Variants in BABAM2 observed in about 807,000 individuals in gnomAD.
The protein encoded by BABAM2 is BRISC and BRCA1-A complex member 2.
A neutral mutation model predicts 54.7 loss-of-function variants in BABAM2; 31 were observed. That is an observed-to-expected ratio of 0.57 (90% CI 0.43 to 0.77). BABAM2 has a LOEUF of 0.77. BABAM2 is among the 30% of genes least tolerant of loss of function. The pLI is 0.00. For missense variants in BABAM2, 364 were observed against 455.8 expected (o/e 0.80, Z 1.83); for synonymous variants, 167 against 162.9 (o/e 1.03, Z -0.19).
intron 7 of BABAM2, among the ~76,000 whole-genome samples, chr2:28,201,813 A>G (rs192995784): frequency 2.0e-5 from 3 of 152,296 alleles, no homozygotes; most frequent in Admixed American, 1.3e-4. Flanking sequence ...ATCAGCAGGA[A>G]CAGGTTGCAA....
chr2:27,923,692 T>C (rs1197941177), intron 2 of BABAM2, among the ~76,000 whole-genome samples: 1 of 151,736 alleles, frequency 6.6e-6, no homozygotes, highest in Non-Finnish European at 1.5e-5. Flanking sequence ...AGAAAGCAGA[T>C]GGGTGCAGTG....
At chr2:27,889,646 T>C (rs1214335296), upstream of BABAM2, among the ~76,000 whole-genome samples, 3 of 152,254 alleles carry the variant, frequency 2.0e-5, no homozygotes, top group African/African-American at 7.2e-5. Flanking sequence ...AGGTTGTAAA[T>C]ACTGTGTTTA....
chr2:28,246,244 A>G (rs1392139588), intron 10 of BABAM2, among the ~76,000 whole-genome samples: 1 of 152,150 alleles, frequency 6.6e-6, no homozygotes, highest in African/African-American at 2.4e-5. Flanking sequence ...TCTGAGCCTA[A>G]CACTGGTACT....
At chr2:27,963,681 A>C (rs1670641286) in intron 3 of BABAM2, among the ~76,000 whole-genome samples, 1 of 152,140 alleles carries the variant, frequency 6.6e-6, no homozygotes, top group East Asian at 1.9e-4. Context: ...AAAATTTAAC[A>C]ATTTCCCTCT....
chr2:28,128,411 A>G (rs1471816396), intron 6 of BABAM2, among the ~76,000 whole-genome samples: 2 of 152,256 alleles, frequency 1.3e-5, no homozygotes, highest in African/African-American at 4.8e-5. Flanking sequence ...TCAGTATTTT[A>G]TTCAGAAGTC....
At chr2:27,963,898 T>C (rs1670659359) in intron 3 of BABAM2, among the ~76,000 whole-genome samples, 1 of 152,234 alleles carries the variant, frequency 6.6e-6, no homozygotes, top group Admixed American at 6.5e-5. Context: ...TACTGTGACA[T>C]ATGACAAAAT....
At chr2:28,092,852 A>G (rs1281293356) in intron 6 of BABAM2, among the ~76,000 whole-genome samples, 2 of 151,614 alleles carry the variant, frequency 1.3e-5, no homozygotes, top group African/African-American at 4.8e-5. Context: ...TTACAGGGTC[A>G]AGATCATAGG....
intron 7 of BABAM2, among the ~76,000 whole-genome samples, chr2:28,140,200 C>G (rs1670920639): frequency 6.6e-6 from 1 of 152,098 alleles, no homozygotes; most frequent in Non-Finnish European, 1.5e-5. Flanking sequence ...TTCCTCCTAT[C>G]CTGTTGTTTC....
chr2:28,218,236 A>G (rs1680088931), intron 7 of BABAM2, among the ~76,000 whole-genome samples: 2 of 152,230 alleles, frequency 1.3e-5, no homozygotes, highest in South Asian at 2.1e-4. Flanking sequence ...ATTCTCTTAT[A>G]TAACCACAGT....
intron 6 of BABAM2, among the ~76,000 whole-genome samples, chr2:28,051,146 T>C (rs1196655670): frequency 1.3e-5 from 2 of 152,170 alleles, no homozygotes; most frequent in Non-Finnish European, 2.9e-5. Context: ...TCAAAATGAG[T>C]AGTACTTACT....
chr2:28,115,660 A>AT (rs1183548224), intron 6 of BABAM2, among the ~76,000 whole-genome samples: 1 of 151,810 alleles, frequency 6.6e-6, no homozygotes, highest in East Asian at 1.9e-4. Context: ...AAATAGATAA[A>AT]TAAAAAAAAG....
At chr2:28,229,533 C>T (rs1275179258) in intron 7 of BABAM2, among the ~76,000 whole-genome samples, 1 of 151,270 alleles carries the variant, frequency 6.6e-6, no homozygotes, top group Non-Finnish European at 1.5e-5. Flanking sequence ...TATACTGTGC[C>T]TCATCAGAGA....
chr2:28,180,461 C>T (rs1213860770), intron 7 of BABAM2, among the ~76,000 whole-genome samples: 1 of 152,034 alleles, frequency 6.6e-6, no homozygotes, highest in Non-Finnish European at 1.5e-5. Context: ...ATACAAAAAT[C>T]AACTCAAAAT....
At chr2:28,144,002 A>C (rs1222991289) in intron 7 of BABAM2, among the ~76,000 whole-genome samples, 1 of 152,190 alleles carries the variant, frequency 6.6e-6, no homozygotes, top group Non-Finnish European at 1.5e-5. Flanking sequence ...ACTGGTTAAG[A>C]CCACTGCTTT....
At chr2:28,301,833 T>G (rs1313413722) in intron 11 of BABAM2, among the ~76,000 whole-genome samples, 1 of 152,228 alleles carries the variant, frequency 6.6e-6, no homozygotes, top group Non-Finnish European at 1.5e-5. Context: ...AAACCATGAG[T>G]ACTTTGAAGG....
At chr2:27,924,119 A>G (rs1307890834) in intron 2 of BABAM2, among the ~76,000 whole-genome samples, 1 of 152,194 alleles carries the variant, frequency 6.6e-6, no homozygotes, top group African/African-American at 2.4e-5. Context: ...CATAAGTGGA[A>G]TCATACTATT....
intron 4 of BABAM2, among the ~76,000 whole-genome samples, chr2:28,009,494 T>G (rs942719397): frequency 6.6e-6 from 1 of 152,044 alleles, no homozygotes; most frequent in East Asian, 1.9e-4. Context: ...CAGTCGAAAT[T>G]GGTAGCTTGG....
intron 10 of BABAM2, among the ~76,000 whole-genome samples, chr2:28,276,591 G>A (rs564046199): frequency 1.9e-4 from 29 of 152,112 alleles, no homozygotes; most frequent in African/African-American, 6.0e-4. Flanking sequence ...CACCTTCTTC[G>A]TGTTTGGCTC....
intron 2 of BABAM2, among the ~76,000 whole-genome samples, chr2:27,895,276 T>C (rs1020270943): frequency 1.3e-5 from 2 of 152,228 alleles, no homozygotes; most frequent in South Asian, 4.1e-4. Context: ...TGCCAGTCTT[T>C]CCATTAATGC....
Sources: gnomAD v4.1 joint callset for allele counts (sites outside exome capture counted in the v4.1 genomes callset) on GRCh38, gnomAD v4.1.1 for gene constraint, MANE v1.5 for transcripts, NCBI Gene and HGNC (gene_info 2026-07-23, HGNC 2026-07-21) for gene names.